The following KLHL1 variants were observed in gnomAD, a reference collection of about 807,000 sequenced individuals.
The protein encoded by KLHL1 is kelch like family member 1.
KLHL1 carries 47 observed loss-of-function variants against 77.7 expected under a neutral mutation model. The ratio of observed to expected loss-of-function variants is 0.60; its 90% confidence interval spans 0.48 to 0.77. The LOEUF is 0.77. Ranked by LOEUF, KLHL1 falls within the 30% of genes least tolerant of loss-of-function variation. The pLI, the probability that KLHL1 is intolerant of heterozygous loss-of-function variation, is 0.00. For missense variants in KLHL1, 925 were observed against 910.8 expected (o/e 1.02, Z -0.20); for synonymous variants, 360 against 325.2 (o/e 1.11, Z -1.15).
intron 5 of KLHL1, among the ~76,000 whole-genome samples, chr13:69,865,707 T>A (rs529284118): frequency 2.0e-5 from 3 of 152,218 alleles, no homozygotes; most frequent in African/African-American, 7.2e-5. Context: ...AATTTCTTGG[T>A]GACACAGGGA....
intron 7 of KLHL1, among the ~76,000 whole-genome samples, chr13:69,753,475 G>T (rs998142812): frequency 6.6e-6 from 1 of 152,014 alleles, no homozygotes; most frequent in African/African-American, 2.4e-5. Context: ...AACAAAAACA[G>T]AACTTTTCTG....
chr13:69,813,970 G>A (rs1008357436), intron 6 of KLHL1, among the ~76,000 whole-genome samples: 1 of 152,070 alleles, frequency 6.6e-6, no homozygotes, highest in Non-Finnish European at 1.5e-5. Flanking sequence ...TAAAGTTGGA[G>A]GCATCACATT....
At chr13:69,985,199 G>A (rs996780620) in intron 1 of KLHL1, among the ~76,000 whole-genome samples, 2 of 151,946 alleles carry the variant, frequency 1.3e-5, no homozygotes, top group Non-Finnish European at 2.9e-5. Flanking sequence ...TTACCGTGTG[G>A]GAGAAAATAT....
rs146357172 is a variant in KLHL1 at position 70,093,840 on chromosome 13, C to T, written c.497+13363G>A. Among the ~76,000 whole-genome samples the T allele has an allele frequency of 4.3e-3, 660 of 152,230 alleles. 3 individuals carry two copies. The highest frequency in any genetic ancestry group is 6.5e-3 in the Non-Finnish European group (444 of 68,020). ...TTTTAAATCCATTTGGCAATTAGAA[C>T]TGCAGTTTTACTGTGAACTGTCTTA... On this transcript the variant is annotated intron_variant, in intron 1 of 10. Transcript: ENST00000377844.
At chr13:69,990,274 AT>A (rs1301913567) in intron 1 of KLHL1, among the ~76,000 whole-genome samples, 2 of 152,060 alleles carry the variant, frequency 1.3e-5, no homozygotes, top group Non-Finnish European at 2.9e-5. Context: ...AGTCTGCATA[AT>A]AACCAGCTAA....
At chr13:70,082,296 T>TCCTCCTTG (rs1887411039) in intron 1 of KLHL1, among the ~76,000 whole-genome samples, 4 of 135,072 alleles carry the variant, frequency 3.0e-5, no homozygotes. Flanking sequence ...CAGGAGCCCT[T>TCCTCCTTG]CCTCCTTGGA....
At chr13:70,065,115 C>G (rs145268047) in intron 1 of KLHL1, among the ~76,000 whole-genome samples, 1 of 152,054 alleles carries the variant, frequency 6.6e-6, no homozygotes, top group Non-Finnish European at 1.5e-5. Flanking sequence ...AAGACCAGAG[C>G]CCCCAGGAAC....
chr13:69,861,897 G>A lies in KLHL1; in HGVS notation c.1227+20386C>T, dbSNP rs547534855. 7.3e-5 allele frequency among the ~76,000 whole-genome samples: 11 copies of A among 150,758 alleles called. No individual in the cohort carries two copies. The East Asian group carries it at 9.7e-4, about 13-fold the overall frequency. ...GGAGAATTGCCTGAACCTGGGAGGC[G>A]GAGGTTGTGGTGAGCCAAGATCACA... On this transcript the variant is annotated intron_variant, in intron 5 of 10. Coordinates refer to ENST00000377844, the MANE Select transcript of KLHL1 (RefSeq NM_020866.3).
At chr13:69,794,234 G>T (rs1016333112) in intron 7 of KLHL1, among the ~76,000 whole-genome samples, 2 of 152,146 alleles carry the variant, frequency 1.3e-5, no homozygotes, top group African/African-American at 4.8e-5. Flanking sequence ...TAGGTTGAGC[G>T]AAGTCAGCTT....
chr13:69,939,378 T>TCCAC (rs1555283224), intron 4 of KLHL1, among the ~76,000 whole-genome samples: 1 of 70,822 alleles, frequency 1.4e-5, no homozygotes, highest in Non-Finnish European at 2.7e-5. Context: ...TATATATATA[T>TCCAC]ACACACACAC....
At chr13:69,780,990 TAGTA>T (rs3048159) in intron 7 of KLHL1, among the ~76,000 whole-genome samples, 53,009 of 150,544 alleles carry the variant, frequency 0.35, 9,503 homozygotes, top group African/African-American at 0.4. Context: ...CAGATTATTT[TAGTA>T]AGTAAGTAAG....
intron 1 of KLHL1, among the ~76,000 whole-genome samples, chr13:70,042,150 A>C (rs1200067407): frequency 6.6e-6 from 1 of 152,044 alleles, no homozygotes; most frequent in African/African-American, 2.4e-5. Context: ...TGGGATATAT[A>C]AGGAAAAAAA....
At chr13:69,703,406 T>A (rs1172820445) in intron 10 of KLHL1, among the ~76,000 whole-genome samples, 2 of 150,580 alleles carry the variant, frequency 1.3e-5, no homozygotes, top group African/African-American at 2.4e-5. Context: ...ACTATTACTA[T>A]AAAAGAGTCA....
chr13:69,740,308 C>G, intron 8 of KLHL1, 86 bp downstream of exon 8: 2 of 917,864 alleles, frequency 2.2e-6, no homozygotes, highest in Non-Finnish European at 3.1e-6. Context: ...ACAATTTTTA[C>G]CAGCTTATTA....
At chr13:69,823,990 ATATG>A (rs780720813) in intron 6 of KLHL1, among the ~76,000 whole-genome samples, 43 of 151,984 alleles carry the variant, frequency 2.8e-4, no homozygotes, top group Non-Finnish European at 4.9e-4. Context: ...GTGTGTATAT[ATATG>A]TATATGTGCA....
intron 6 of KLHL1, among the ~76,000 whole-genome samples, chr13:69,815,055 A>C (rs1394057840): frequency 3.3e-5 from 5 of 152,104 alleles, no homozygotes; most frequent in Non-Finnish European, 7.4e-5. Context: ...TCAAAAAATA[A>C]CATATTGACA....
rs116830796 is a variant in KLHL1 at position 69,744,068 on chromosome 13, A to G, written c.1640-3512T>C. On this transcript the variant is annotated intron_variant, in intron 7 of 10. Coordinates refer to ENST00000377844, the MANE Select transcript of KLHL1 (RefSeq NM_020866.3). Reference sequence around the variant, plus strand: ...AGGTATATGTAAAAGTGTTGGAGTTATCAGCAATTATATGGCTTTTAAAGT... The same window carrying G: ...AGGTATATGTAAAAGTGTTGGAGTTGTCAGCAATTATATGGCTTTTAAAGT... 2.4e-3 allele frequency among the ~76,000 whole-genome samples: 371 copies of G among 152,286 alleles called. 1 individual carries two copies. The highest frequency in any genetic ancestry group is 8.5e-3 in the African/African-American group (353 of 41,562).
chr13:69,843,504 A>G (rs1205398972), intron 5 of KLHL1, among the ~76,000 whole-genome samples: 1 of 151,660 alleles, frequency 6.6e-6, no homozygotes, highest in Non-Finnish European at 1.5e-5. Flanking sequence ...TCCTTTAACT[A>G]ATTAGGGTGG....
chr13:69,835,145 CAT>C (rs1878936553), intron 6 of KLHL1, among the ~76,000 whole-genome samples: 1 of 152,038 alleles, frequency 6.6e-6, no homozygotes. Flanking sequence ...AAAATACCTA[CAT>C]TTCAAAAATT....
Sources: gnomAD v4.1 joint callset for allele counts (sites outside exome capture counted in the v4.1 genomes callset) on GRCh38, gnomAD v4.1.1 for gene constraint, MANE v1.5 for transcripts, NCBI Gene and HGNC (gene_info 2026-07-23, HGNC 2026-07-21) for gene names.